The following HSPBAP1 variants were observed in gnomAD, a reference collection of about 807,000 sequenced individuals.
HSPBAP1 encodes HSPB1 associated protein 1, also known as HSPB1-associated protein 1.
In HSPBAP1, 27 loss-of-function variants were observed where a neutral mutation model predicts 45.2. The observed-to-expected ratio is 0.60, with a 90% CI of 0.44 to 0.82. HSPBAP1 has a LOEUF of 0.82. Ranked by LOEUF, HSPBAP1 falls within the 40% of genes least tolerant of loss-of-function variation. The pLI, the probability that HSPBAP1 is intolerant of heterozygous loss-of-function variation, is 0.00. For missense variants in HSPBAP1, 510 were observed against 590.9 expected, an observed-to-expected ratio of 0.86 and a Z score of 1.42; for synonymous variants, 204 against 202.7, an observed-to-expected ratio of 1.01 and a Z score of -0.06.
chr3:122,747,594 G>A (rs867568028), intron 6 of HSPBAP1, among the ~76,000 whole-genome samples: 10 of 123,660 alleles, frequency 8.1e-5, no homozygotes, highest in Admixed American at 2.4e-4. Context: ...GGGGGTCAGC[G>A]CCCCGCCCGG....
chr3:122,750,122 G>A (rs920714987), intron 6 of HSPBAP1, among the ~76,000 whole-genome samples: 1 of 151,022 alleles, frequency 6.6e-6, no homozygotes. Flanking sequence ...TTACAGGTGC[G>A]TGCCACTATG....
intron 1 of HSPBAP1, among the ~76,000 whole-genome samples, chr3:122,784,719 G>A (rs1935598136): frequency 6.6e-6 from 1 of 152,196 alleles, no homozygotes; most frequent in African/African-American, 2.4e-5. Context: ...AGAGATGTGG[G>A]GTGGGAGTCA....
rs1934879942 is a variant in HSPBAP1, at chr3:122,768,844, T to C, written c.289A>G (p.Thr97Ala). ...TTCCAGGTCAGAAACTCTTCGAGTG[T>C]AGCTTCTACGTAATTACATGTAGTT... ...FETTCNYVEA[T>A]LEEFLTWNCD... The change falls in exon 3 of 8, where the codon ACA (threonine) becomes GCA (alanine). Residue 97 changes from threonine (T) to alanine (A), a missense_variant. Physicochemically the swap from Thr to Ala is moderately conservative, Grantham distance 58 (BLOSUM62 0). Transcript: ENST00000306103. 2 of 1,612,718 alleles carry C rather than the reference T, an allele frequency of 1.2e-6. No homozygotes were observed. The highest frequency in any genetic ancestry group is 2.2e-5 in the South Asian group (2 of 91,046).
intron 5 of HSPBAP1, chr3:122,753,534 G>C: frequency 2.0e-6 from 2 of 984,692 alleles, no homozygotes; most frequent in Non-Finnish European, 2.4e-6. Flanking sequence ...ATATAAATAG[G>C]AAGGTATAAT....
intron 5 of HSPBAP1, chr3:122,754,458 T>C: frequency 2.5e-6 from 2 of 784,812 alleles, no homozygotes; most frequent in Non-Finnish European, 3.1e-6. Context: ...AAAAGATTAG[T>C]TGTTGTCAGG....
At chr3:122,764,488 C>T (rs1165742658) in intron 3 of HSPBAP1, among the ~76,000 whole-genome samples, 1 of 152,162 alleles carries the variant, frequency 6.6e-6, no homozygotes, top group Non-Finnish European at 1.5e-5. Context: ...TTTTCTTCCA[C>T]AAATTAAATT....
At chr3:122,750,340 T>TA (rs1437917614) in intron 6 of HSPBAP1, among the ~76,000 whole-genome samples, 3 of 152,176 alleles carry the variant, frequency 2.0e-5, no homozygotes, top group Non-Finnish European at 2.9e-5. Flanking sequence ...CAGAAACAAA[T>TA]AAAAAATTCT....
At chr3:122,762,643 A>G (rs1338487306) in intron 3 of HSPBAP1, among the ~76,000 whole-genome samples, 2 of 152,158 alleles carry the variant, frequency 1.3e-5, no homozygotes, top group Non-Finnish European at 2.9e-5. Context: ...GATTATTTGG[A>G]AGTGTAATGT....
At position 122,755,530 on chromosome 3, in the gene HSPBAP1, A is replaced by G. The variant is rs1934321681; in HGVS notation, c.570-99T>C. Reference sequence around the variant, plus strand: ...CTAAGTGTTCATTTTTACTTGTTTAAATTCAATCCCTAAGGGAATATAGGC... The same window carrying G: ...CTAAGTGTTCATTTTTACTTGTTTAGATTCAATCCCTAAGGGAATATAGGC... On this transcript the variant is annotated intron_variant, in intron 4 of 7. Coordinates refer to ENST00000306103, the MANE Select transcript of HSPBAP1 (RefSeq NM_024610.6). The G allele has an allele frequency of 1.5e-5, 14 of 914,172 alleles. No individual in the cohort carries two copies. In the South Asian group the frequency reaches 2.2e-4, roughly 14 times the overall value. The allele number at this position is 914,172 out of a possible 1,614,324, so 56.6% of individuals were successfully genotyped here.
chr3:122,756,536 T>C (rs774520322), intron 4 of HSPBAP1, among the ~76,000 whole-genome samples: 7 of 151,546 alleles, frequency 4.6e-5, no homozygotes, highest in Admixed American at 2.6e-4. Context: ...CCATAAAAAA[T>C]TTTCTTAAAA....
intron 3 of HSPBAP1, chr3:122,761,621 T>G (rs967567399): frequency 1.3e-5 from 2 of 150,466 alleles, no homozygotes; most frequent in African/African-American, 4.9e-5. Context: ...AAAGGTTTTT[T>G]TTTTTTTTTT....
At chr3:122,752,860 T>C in intron 5 of HSPBAP1, 186 bp from the exon 6 acceptor site, 3 of 1,364,414 alleles carry the variant, frequency 2.2e-6, no homozygotes, top group African/African-American at 1.5e-5. Context: ...CCTTTTTTAT[T>C]GACAAGTTCA....
intron 1 of HSPBAP1, among the ~76,000 whole-genome samples, chr3:122,779,620 AG>A (rs1935337178): frequency 2.0e-5 from 3 of 151,106 alleles, no homozygotes; most frequent in Non-Finnish European, 3.0e-5. Flanking sequence ...AAGTGAACAA[AG>A]GTCTCTGGTT....
At chr3:122,745,142 G>A (rs1053323372) in intron 6 of HSPBAP1, among the ~76,000 whole-genome samples, 1 of 152,024 alleles carries the variant, frequency 6.6e-6, no homozygotes, top group Non-Finnish European at 1.5e-5. Flanking sequence ...TGAATTGGAT[G>A]GATTAGCCAA....
intron 2 of HSPBAP1, among the ~76,000 whole-genome samples, chr3:122,773,768 C>G (rs1476661159): frequency 6.6e-6 from 1 of 151,980 alleles, no homozygotes; most frequent in African/African-American, 2.4e-5. Context: ...TCCTGGGTAG[C>G]TGGGACAACA....
At chr3:122,745,510 A>T (rs893312232) in intron 6 of HSPBAP1, among the ~76,000 whole-genome samples, 14 of 152,174 alleles carry the variant, frequency 9.2e-5, no homozygotes, top group African/African-American at 3.1e-4. Context: ...GAATTAAACA[A>T]TTTATAAGCT....
chr3:122,770,463 C>T (rs1934952429), intron 2 of HSPBAP1, among the ~76,000 whole-genome samples: 2 of 152,092 alleles, frequency 1.3e-5, no homozygotes, highest in Admixed American at 6.6e-5. Context: ...CTTTGGGAGG[C>T]CGAGGTGGGA....
chr3:122,783,216 A>G (rs1463034802), intron 1 of HSPBAP1, among the ~76,000 whole-genome samples: 1 of 152,002 alleles, frequency 6.6e-6, no homozygotes, highest in Non-Finnish European at 1.5e-5. Flanking sequence ...CAAGAATACA[A>G]TTTTCTGTTT....
rs557925234 is a variant in HSPBAP1, at chr3:122,779,057, CAG to C, written c.65-1153_65-1152del. On this transcript the variant is annotated intron_variant, in intron 1 of 7. Coordinates refer to ENST00000306103, the MANE Select transcript of HSPBAP1 (RefSeq NM_024610.6). ...TTCTTTTTCTTTTTTTTTTGTGAGA[CAG>C]AGTCTCGCTCTGTCGCTCTGTTGCC... Among the ~76,000 whole-genome samples, 22 of 149,702 alleles carry C rather than the reference CAG, an allele frequency of 1.5e-4. No homozygotes were observed. The South Asian group carries it at 3.1e-3, about 21-fold the overall frequency.
Sources: gnomAD v4.1 joint callset for allele counts (sites outside exome capture counted in the v4.1 genomes callset) on GRCh38, gnomAD v4.1.1 for gene constraint, MANE v1.5 for transcripts, NCBI Gene and HGNC (gene_info 2026-07-23, HGNC 2026-07-21) for gene names.